Variants in TNK2 observed in about 807,000 individuals in gnomAD.
The protein encoded by TNK2 is activated CDC42 kinase 1.
In TNK2, 83 loss-of-function variants were observed where a neutral mutation model predicts 101.8. The observed-to-expected ratio is 0.82, with a 90% CI of 0.68 to 0.98. The LOEUF (loss-of-function observed/expected upper bound fraction) is 0.98. TNK2 is among the 50% of genes least tolerant of loss of function. The pLI, the probability that TNK2 is intolerant of heterozygous loss-of-function variation, is 0.00. For missense variants in TNK2, 1,665 were observed against 1,483.2 expected (o/e 1.12, Z -2.01); for synonymous variants, 804 against 633.0 (o/e 1.27, Z -4.06).
chr3:195,891,955 C>T (rs565408121), intron 1 of TNK2: 9 of 992,626 alleles, frequency 9.1e-6, no homozygotes, highest in East Asian at 1.1e-4. Context: ...CCAGCAACAG[C>T]GCAGCTCTGC....
intron 13 of TNK2, 32 bp downstream of exon 13, chr3:195,867,329 C>T (rs1053362474): frequency 3.7e-6 from 6 of 1,608,702 alleles, no homozygotes; most frequent in Admixed American, 3.4e-5. Context: ...GGGCCCTGCC[C>T]CGCTTCGCCC....
Position 195,869,859 on chromosome 3 carries a change from T to C in TNK2, c.1543+255A>G, listed in dbSNP as rs1322363370. On this transcript the variant is annotated intron_variant, in intron 11 of 15. Coordinates refer to ENST00000672887, the MANE Select transcript of TNK2 (RefSeq NM_001382273.1). ...GAAAGCCAGGATCTGAGCTCGGCCG[T>C]GGAAGGAGGGAGGAGGGACGCCGGG... 5.5e-6 allele frequency: 3 copies of C among 545,452 alleles called. No homozygotes were observed. The African/African-American group carries it at 5.7e-5, about 10-fold the overall frequency. 33.8% of individuals were successfully genotyped at this position (545,452 alleles called of 1,614,324 possible).
intron 15 of TNK2, among the ~76,000 whole-genome samples, chr3:195,865,489 A>G (rs1740094799): frequency 6.9e-6 from 1 of 144,592 alleles, no homozygotes; most frequent in Non-Finnish European, 1.5e-5. Flanking sequence ...CCCAGGTGCA[A>G]ATCAGTAAGA....
At position 195,882,503 on chromosome 3, in the gene TNK2, T is replaced by C. The variant is rs772839076; in HGVS notation, c.610-175A>G. 4 of 1,538,058 alleles carry C rather than the reference T, an allele frequency of 2.6e-6. No individual in the cohort carries two copies. In the South Asian group the frequency reaches 4.8e-5, roughly 18 times the overall value. ...TCCTGCAGTTTCTCAGGCCTCTCCC[T>C]CGAGGCAATTTGGGAAACTGATGCC... On this transcript the variant is annotated intron_variant, in intron 5 of 15. Transcript: ENST00000672887. The surrounding 1 kb of genome is among the most constrained non-coding windows in gnomAD (Gnocchi z 4.2).
intron 1 of TNK2, among the ~76,000 whole-genome samples, chr3:195,897,997 G>A (rs1760820113): frequency 1.3e-5 from 2 of 151,690 alleles, no homozygotes; most frequent in East Asian, 1.9e-4. Context: ...CTCCAGACCC[G>A]CATTTCCAGA....
At position 195,870,136 on chromosome 3, in the gene TNK2, G is replaced by C. The variant is rs766598817; in HGVS notation, c.1521C>G (p.Pro507=). ...LSVELSTSRP[P]QHLGGVKREP... is the part of the protein sequence containing the mutation. ...TACTTTTCACCCCTCCTAGATGCTG[G>C]GGGGGCCGGGAGGTGCTCAGTTCCA... Residue 507 remains proline (P), a synonymous_variant, in exon 11 of 16, where the codon CCC becomes CCG. Transcript: ENST00000672887. 5.8e-5 allele frequency: 86 copies of C among 1,473,214 alleles called. No homozygotes were observed. In the East Asian group the frequency reaches 1.4e-3, roughly 24 times the overall value. 91.3% of individuals were successfully genotyped at this position (1,473,214 alleles called of 1,614,324 possible).
intron 9 of TNK2, among the ~76,000 whole-genome samples, chr3:195,874,572 A>G (rs1159454896): frequency 2.6e-4 from 35 of 132,490 alleles, no homozygotes; most frequent in Non-Finnish European, 5.2e-4. Context: ...TCCGAGGCAC[A>G]AGAAGCTCCC....
intron 1 of TNK2, among the ~76,000 whole-genome samples, chr3:195,892,218 G>C (rs926515553): frequency 6.6e-6 from 1 of 152,188 alleles, no homozygotes; most frequent in Non-Finnish European, 1.5e-5. Flanking sequence ...TCTGTGGCCG[G>C]CGTGCAAACA....
intron 1 of TNK2, among the ~76,000 whole-genome samples, chr3:195,907,070 C>T (rs1278042517): frequency 6.6e-6 from 1 of 152,220 alleles, no homozygotes; most frequent in East Asian, 1.9e-4. Flanking sequence ...CTGTGTGATG[C>T]CAAGGCCTTT....
intron 9 of TNK2, 27 bp from the exon 10 acceptor site, chr3:195,872,497 C>A (rs112119526): frequency 3.9e-6 from 6 of 1,554,806 alleles, no homozygotes; most frequent in Non-Finnish European, 5.2e-6. Context: ...GCACGGTGAA[C>A]GCCAGGCGTG....
rs1213777596 is a variant in TNK2, at chr3:195,882,319, G to T, written c.619C>A (p.Leu207Met). 3 of 1,611,084 alleles carry T rather than the reference G, an allele frequency of 1.9e-6. No individual in the cohort carries two copies. The Admixed American group carries it at 5.0e-5, about 27-fold the overall frequency. Residue 207 changes from leucine to methionine, a missense_variant, in exon 6 of 16, where the codon CTG becomes ATG. By Grantham distance (15) the Leu-to-Met change is conservative (BLOSUM62 2). This residue lies in a region of TNK2 where 490 missense variants were observed against 522.5 expected (regional missense o/e 0.94). Coordinates refer to ENST00000672887, the MANE Select transcript of TNK2 (RefSeq NM_001382273.1). The surrounding 1 kb of genome is among the most constrained non-coding windows in gnomAD (Gnocchi z 4.2). ...TCCAACAACGATCCCAGAGGTGCCAGCTCTGTCACCTGAGGCCACGGAGGA... is the reference window on the plus strand; with the variant it reads ...TCCAACAACGATCCCAGAGGTGCCATCTCTGTCACCTGAGGCCACGGAGGA... ...LTPPMKMVTE[L>M]APLGSLLDRL...
chr3:195,901,864 A>G (rs35259333), intron 1 of TNK2, among the ~76,000 whole-genome samples: 3,042 of 152,312 alleles, frequency 0.02, 59 homozygotes, highest in Non-Finnish European at 0.03. Context: ...ATGCGGGCCC[A>G]TGGAGGTCCC....
In TNK2 at chr3:195,868,553, T is replaced by A; in HGVS notation, c.1745A>T (p.Glu582Val). 2 of 1,571,908 alleles carry A rather than the reference T, an allele frequency of 1.3e-6. No individual in the cohort carries two copies. The highest frequency in any genetic ancestry group is 1.7e-6 in the Non-Finnish European group (2 of 1,167,190). The part of the protein sequence containing the change: ...GTKASRGSGA[E>V]VTLIDFGEEP... ...CTCACCGAAGTCGATGAGCGTGACC[T>A]CAGCCCCGCTGCCTCGGCTGGCCTT... Residue 582 changes from glutamate to valine, a missense_variant, in exon 13 of 16, where the codon GAG (glutamate) becomes GTG (valine). Glu to Val is a moderately radical substitution (Grantham distance 121, BLOSUM62 -2). Coordinates refer to ENST00000672887, the MANE Select transcript of TNK2 (RefSeq NM_001382273.1).
chr3:195,866,757 C>T, intron 15 of TNK2, 132 bp downstream of exon 15: 2 of 1,340,468 alleles, frequency 1.5e-6, no homozygotes. Flanking sequence ...GAGCGCCTCC[C>T]TCCCGCAGCT....
rs752659975 is a variant in TNK2, at chr3:195,882,178, C to T, written c.760G>A (p.Ala254Thr). 4 of 1,613,790 alleles carry T rather than the reference C, an allele frequency of 2.5e-6. No individual in the cohort carries two copies. The highest frequency in any genetic ancestry group is 3.4e-6 in the Non-Finnish European group (4 of 1,180,032). The change falls in exon 6 of 16, where the codon GCT (alanine) becomes ACT (threonine). Residue 254 changes from alanine (A) to threonine (T), a missense_variant. Transcript: ENST00000672887. This position sits in a 1 kb window ranked among gnomAD's most constrained non-coding sequence, Gnocchi z 4.2. ...GTAGCCAACAGCAGATTGCGGGCAG[C>T]CAGGTCACGGTGAATAAAGCGCTTG... Reference protein sequence around the residue: ...ESKRFIHRDLAARNLLLATRD... With the variant: ...ESKRFIHRDLTARNLLLATRD...
At chr3:195,906,248 T>A (rs1577125517) in intron 1 of TNK2, among the ~76,000 whole-genome samples, 2 of 152,188 alleles carry the variant, frequency 1.3e-5, no homozygotes, top group Non-Finnish European at 2.9e-5. Context: ...TACAACCACT[T>A]TGGAAAACAG....
chr3:195,889,482 G>C (rs1353884370), intron 1 of TNK2, among the ~76,000 whole-genome samples: 1 of 151,574 alleles, frequency 6.6e-6, no homozygotes, highest in African/African-American at 2.4e-5. Context: ...TGCCAGTGAT[G>C]TCTTCTGCGG....
At chr3:195,881,481 A>T (rs1752805039) in intron 6 of TNK2, among the ~76,000 whole-genome samples, 2 of 111,648 alleles carry the variant, frequency 1.8e-5, no homozygotes, top group African/African-American at 7.5e-5. Context: ...TGTCCCTCTA[A>T]CACCCCCCCC....
At chr3:195,895,361 G>A (rs567761989) in intron 1 of TNK2, 2 of 1,557,956 alleles carry the variant, frequency 1.3e-6, no homozygotes, top group Admixed American at 1.9e-5. Flanking sequence ...CCCCCGCCCC[G>A]CAGCGGCACC....
Sources: allele counts gnomAD v4.1 joint callset (sites outside exome capture counted in the v4.1 genomes callset), GRCh38; gene constraint gnomAD v4.1.1; regional missense constraint gnomAD v4.1.1; non-coding constraint Gnocchi (gnomAD v3.1); transcripts MANE v1.5; gene names NCBI Gene and HGNC (gene_info 2026-07-23, HGNC 2026-07-21).